Variants in THEM6 observed in about 807,000 individuals in gnomAD.
THEM6 encodes protein THEM6.
Under a neutral mutation model 13.7 loss-of-function variants are expected in THEM6, and 10 were observed. That is an observed-to-expected ratio of 0.73 (90% CI 0.45 to 1.24). THEM6 has a LOEUF of 1.24. Among genes scored for constraint, THEM6 ranks in the 50% most tolerant of loss-of-function variants. THEM6 has a pLI of 0.00. For synonymous variants in THEM6, 161 were observed against 156.0 expected (o/e 1.03, Z -0.24); for missense variants, 317 against 312.6 (o/e 1.01, Z -0.11).
At chr8:142,728,839 C>T (rs1267084599) in intron 1 of THEM6, among the ~76,000 whole-genome samples, 1 of 151,524 alleles carries the variant, frequency 6.6e-6, no homozygotes, top group Non-Finnish European at 1.5e-5. Context: ...AGGTGCAATG[C>T]TTGTATATAT....
rs587706532 is a variant in THEM6 at position 142,727,883 on chromosome 8, C to T, written c.513+24C>T. The T allele has an allele frequency of 7.2e-4, 995 of 1,387,152 alleles. 7 individuals carry two copies. The African/African-American group carries it at 0.014, about 19-fold the overall frequency. 85.9% of individuals were successfully genotyped at this position (1,387,152 alleles called of 1,614,324 possible). On this transcript the variant is annotated intron_variant, in intron 1 of 1. Coordinates refer to ENST00000336138, the MANE Select transcript of THEM6 (RefSeq NM_016647.3). ...GGGTGAGCGGCCCCCGCCCCTGGCC[C>T]CGGAGCACGGCCTTTGTGGGACCTC...
chr8:142,728,751 T>G (rs1815575701), intron 1 of THEM6, among the ~76,000 whole-genome samples: 1 of 152,050 alleles, frequency 6.6e-6, no homozygotes, highest in Non-Finnish European at 1.5e-5. Context: ...GCAAGTTTAT[T>G]AAGGTAAAGC....
At chr8:142,732,549 G>A (rs772422362) in intron 1 of THEM6, among the ~76,000 whole-genome samples, 2 of 151,974 alleles carry the variant, frequency 1.3e-5, no homozygotes, top group Non-Finnish European at 2.9e-5. Context: ...ACTGCAAGCA[G>A]GGTTGTCTGT....
At chr8:142,729,352 C>T (rs1554642742) in intron 1 of THEM6, among the ~76,000 whole-genome samples, 2 of 152,092 alleles carry the variant, frequency 1.3e-5, no homozygotes, top group Non-Finnish European at 2.9e-5. Flanking sequence ...AGCAGCTTTG[C>T]CATGAGAGTA....
intron 1 of THEM6, chr8:142,734,823 G>C (rs1440660483): frequency 6.3e-6 from 1 of 159,278 alleles, no homozygotes; most frequent in African/African-American, 2.4e-5. Flanking sequence ...GACCCCTCAG[G>C]AGTGGCCTGG....
Position 142,727,567 on chromosome 8 carries a change from C to G in THEM6, c.221C>G (p.Ala74Gly). ...HMNNARYLRE[A>G]DFARVAHLTR... ...AACAACGCGCGCTACCTGCGCGAGG[C>G]CGACTTTGCGCGCGTCGCGCACCTG... The change falls in exon 1 of 2, where the codon GCC (alanine) becomes GGC (glycine). Residue 74 changes from alanine (A) to glycine (G), a missense_variant. Physicochemically the swap from Ala to Gly is moderately conservative, Grantham distance 60 (BLOSUM62 0). Coordinates refer to ENST00000336138, the MANE Select transcript of THEM6 (RefSeq NM_016647.3). The G allele has an allele frequency of 6.5e-7, 1 of 1,542,178 alleles. No individual in the cohort carries two copies. Among genetic ancestry groups the G allele is most frequent in the Non-Finnish European group, 8.7e-7 (1 of 1,152,606 alleles).
At position 142,735,746 on chromosome 8, in the gene THEM6, T is replaced by A. The variant is rs1166294202; in HGVS notation, c.*307T>A. On this transcript the variant is annotated 3_prime_UTR_variant, in exon 2 of 2. Transcript: ENST00000336138. ...TCATGTGGGCCTAGGTAGGGGAGGA[T>A]GGTGCCTGGAGCAGAGGGACCCACA... is the stretch of plus-strand genomic sequence containing the variant. The A allele has an allele frequency of 8.6e-6, 3 of 349,914 alleles. No homozygotes were observed. In the East Asian group the frequency reaches 1.6e-4, roughly 19 times the overall value. 21.7% of individuals were successfully genotyped at this position (349,914 alleles called of 1,614,324 possible). A position where few individuals can be genotyped will look rare whatever the true frequency, so the allele number is the denominator to read the frequency against.
chr8:142,731,149 A>G (rs1399025348), intron 1 of THEM6, among the ~76,000 whole-genome samples: 2 of 152,202 alleles, frequency 1.3e-5, no homozygotes, highest in African/African-American at 4.8e-5. Flanking sequence ...TTTGTTAAAG[A>G]GCGGGTTAGT....
intron 1 of THEM6, among the ~76,000 whole-genome samples, chr8:142,732,745 C>A (rs888976542): frequency 6.7e-6 from 1 of 148,526 alleles, no homozygotes; most frequent in African/African-American, 2.5e-5. Flanking sequence ...GCTGAGAGTC[C>A]GGGTTTATTC....
rs1554642399 is a variant in THEM6 at position 142,727,377 on chromosome 8, C to G, written c.31C>G (p.Leu11Val). MLGLLVALLA[L>V]GLAVFALLDV... ...GGGGCTGCTGGTGGCGTTGCTGGCCCTGGGGCTCGCTGTCTTTGCGCTGCT... is the reference window on the plus strand; with the variant it reads ...GGGGCTGCTGGTGGCGTTGCTGGCCGTGGGGCTCGCTGTCTTTGCGCTGCT... Residue 11 changes from leucine to valine, a missense_variant, in exon 1 of 2, where the codon CTG becomes GTG. Leu to Val is a conservative substitution (Grantham distance 32). Coordinates refer to ENST00000336138, the MANE Select transcript of THEM6 (RefSeq NM_016647.3). 6.6e-7 allele frequency: 1 copy of G among 1,524,240 alleles called. No individual in the cohort carries two copies. Among genetic ancestry groups the G allele is most frequent in the African/African-American group, 1.4e-5 (1 of 70,394 alleles). 94.4% of individuals were successfully genotyped at this position (1,524,240 alleles called of 1,614,324 possible). A position where few individuals can be genotyped will look rare whatever the true frequency, so the allele number is the denominator to read the frequency against.
chr8:142,735,288 C>CGTAGCTTAGCT lies in THEM6; in HGVS notation c.514-36_514-26dup, dbSNP rs1563823607. On this transcript the variant is annotated intron_variant, in intron 1 of 1. Transcript: ENST00000336138. The stretch of plus-strand genomic sequence containing the variant: ...GGCAGCGGCCCAGAGGTGGGAAGGC[C>CGTAGCTTAGCT]GTAGCTTAGCTGGGTGTCCCCTTTC... The CGTAGCTTAGCT allele has an allele frequency of 1.9e-5, 28 of 1,474,412 alleles. No individual in the cohort carries two copies. The East Asian group carries it at 6.9e-4, about 36-fold the overall frequency. The allele number at this position is 1,474,412 out of a possible 1,614,324, so 91.3% of individuals were successfully genotyped here. A position where few individuals can be genotyped will look rare whatever the true frequency, so the allele number is the denominator to read the frequency against.
rs912427316 is a variant in THEM6, at chr8:142,736,648, A to AG, written c.*1214dup. The stretch of plus-strand genomic sequence containing the variant: ...CAGCTGATGCCCTCAGCTCCCAGAG[A>AG]GGGGGTGCCCCATCTAGCTGGGTGC... On this transcript the variant is annotated 3_prime_UTR_variant, in exon 2 of 2. Transcript: ENST00000336138. 1.3e-4 allele frequency: 20 copies of AG among 152,372 alleles called. No homozygotes were observed. Among genetic ancestry groups the AG allele is most frequent in the African/African-American group, 4.8e-4 (20 of 41,580 alleles). The allele number at this position is 152,372 out of a possible 1,614,324, so 9.4% of individuals were successfully genotyped here.
chr8:142,735,666 A>C lies in THEM6; in HGVS notation c.*227A>C, dbSNP rs745722224. On this transcript the variant is annotated 3_prime_UTR_variant, in exon 2 of 2. Transcript: ENST00000336138. Reference sequence around the variant, plus strand: ...GGCATCCTGACCCAGCTCTGCCCTCAAGGTGGGGATGGATGGGCAAAGGAG... The same window carrying C: ...GGCATCCTGACCCAGCTCTGCCCTCCAGGTGGGGATGGATGGGCAAAGGAG... 3.5e-5 allele frequency: 19 copies of C among 546,570 alleles called. No individual in the cohort carries two copies. Among genetic ancestry groups the C allele is most frequent in the African/African-American group, 1.3e-4 (7 of 53,032 alleles). 33.9% of individuals were successfully genotyped at this position (546,570 alleles called of 1,614,324 possible).
At chr8:142,728,659 G>A (rs61676506) in intron 1 of THEM6, among the ~76,000 whole-genome samples, 1 of 152,252 alleles carries the variant, frequency 6.6e-6, no homozygotes, top group Non-Finnish European at 1.5e-5. Flanking sequence ...ACAGGAAAGG[G>A]ATTCAGATCC....
At chr8:142,730,561 C>T (rs1587581996) in intron 1 of THEM6, among the ~76,000 whole-genome samples, 1 of 152,188 alleles carries the variant, frequency 6.6e-6, no homozygotes, top group African/African-American at 2.4e-5. Context: ...TTCTTGGGGC[C>T]TTCACTGCCC....
chr8:142,735,230 A>C, intron 1 of THEM6, 96 bp from the exon 2 acceptor site: 1 of 896,472 alleles, frequency 1.1e-6, no homozygotes, highest in Non-Finnish European at 1.8e-6. Flanking sequence ...GGGGCAGGGG[A>C]TCTTGGAAGG....
chr8:142,734,527 G>A, intron 1 of THEM6: 1 of 152,840 alleles, frequency 6.5e-6, no homozygotes, highest in Non-Finnish European at 1.5e-5. Flanking sequence ...GTTGGGTCTT[G>A]CATGTTGAGA....
chr8:142,731,568 A>G (rs1486986468), intron 1 of THEM6, among the ~76,000 whole-genome samples: 13 of 151,736 alleles, frequency 8.6e-5, no homozygotes, highest in Non-Finnish European at 1.6e-4. Flanking sequence ...TCTTTTTCTC[A>G]GTTTCACCCT....
At chr8:142,731,446 A>C (rs1554642928) in intron 1 of THEM6, among the ~76,000 whole-genome samples, 1 of 152,116 alleles carries the variant, frequency 6.6e-6, no homozygotes, top group Non-Finnish European at 1.5e-5. Context: ...CAGGAGGCCT[A>C]ATTACTTTTA....
Sources: gnomAD v4.1 joint callset for allele counts (sites outside exome capture counted in the v4.1 genomes callset) on GRCh38, gnomAD v4.1.1 for gene constraint, MANE v1.5 for transcripts, NCBI Gene and HGNC (gene_info 2026-07-23, HGNC 2026-07-21) for gene names.